Variants in CTNNA2 observed in about 807,000 individuals in gnomAD.
CTNNA2 encodes the protein catenin alpha 2.
CTNNA2 carries 42 observed loss-of-function variants against 101.0 expected under a neutral mutation model. The ratio of observed to expected loss-of-function variants is 0.42; its 90% confidence interval spans 0.32 to 0.54. The LOEUF (loss-of-function observed/expected upper bound fraction) is 0.54, where lower values mean the gene tolerates loss of function less well. Among genes scored for constraint, CTNNA2 ranks in the 20% least tolerant of loss-of-function variants. The pLI is 0.14. For missense variants in CTNNA2, 871 were observed against 1,223.1 expected (o/e 0.71, Z 4.29); for synonymous variants, 450 against 456.4 (o/e 0.99, Z 0.18).
chr2:79,223,230 C>T (rs1220771417), intron 2 of CTNNA2, among the ~76,000 whole-genome samples: 2 of 152,226 alleles, frequency 1.3e-5, no homozygotes, highest in Non-Finnish European at 1.5e-5. Context: ...TCACAACAAG[C>T]AGTTAGCAGT....
chr2:79,210,115 T>TGTGTGTGTGTGTG (rs1572979854), intron 2 of CTNNA2, among the ~76,000 whole-genome samples: 1 of 151,674 alleles, frequency 6.6e-6, no homozygotes, highest in Admixed American at 6.6e-5. Context: ...TGTGTGTGTG[T>TGTGTGTGTGTGTG]TTAAGCAGAA....
intron 7 of CTNNA2, among the ~76,000 whole-genome samples, chr2:80,154,285 G>A (rs1472791863): frequency 1.3e-5 from 2 of 152,084 alleles, no homozygotes; most frequent in Non-Finnish European, 2.9e-5. Flanking sequence ...TCTCAGAAGG[G>A]CCTCTAGCTA....
chr2:79,633,191 T>G (rs938504874), intron 1 of CTNNA2, among the ~76,000 whole-genome samples: 1 of 152,228 alleles, frequency 6.6e-6, no homozygotes, highest in Non-Finnish European at 1.5e-5. Flanking sequence ...ATTAATTTAA[T>G]GTATGATTAT....
At chr2:80,486,492 T>C (rs572995702) in intron 9 of CTNNA2, among the ~76,000 whole-genome samples, 20 of 152,284 alleles carry the variant, frequency 1.3e-4, no homozygotes, top group African/African-American at 4.1e-4. Context: ...TATTAAAAAT[T>C]CAATAATGAG....
At chr2:80,398,903 CA>C (rs752710179) in intron 8 of CTNNA2, among the ~76,000 whole-genome samples, 14 of 151,136 alleles carry the variant, frequency 9.3e-5, no homozygotes, top group Non-Finnish European at 5.9e-5. Context: ...TCAGAAACAC[CA>C]AAAATTAGAA....
rs959943101 is a variant in CTNNA2, at chr2:79,517,378, G to A, written c.-6+4171G>A. ...ATTGTTTTCTCCCAAATAGTAAAATGTTTCTCATATATTTCTGTTTTGTAG... is the reference window on the plus strand; with the variant it reads ...ATTGTTTTCTCCCAAATAGTAAAATATTTCTCATATATTTCTGTTTTGTAG... On this transcript the variant is annotated intron_variant, in intron 1 of 18. Coordinates refer to ENST00000402739, the MANE Select transcript of CTNNA2 (RefSeq NM_001282597.3). Among the ~76,000 whole-genome samples the A allele has an allele frequency of 2.6e-5, 4 of 152,126 alleles. No homozygotes were observed. The East Asian group carries it at 7.7e-4, about 29-fold the overall frequency.
chr2:79,764,459 T>C (rs1362927615), intron 3 of CTNNA2, among the ~76,000 whole-genome samples: 1 of 152,246 alleles, frequency 6.6e-6, no homozygotes, highest in Non-Finnish European at 1.5e-5. Flanking sequence ...ATACATGGAT[T>C]GAAGTCTAGT....
intron 4 of CTNNA2, among the ~76,000 whole-genome samples, chr2:79,416,177 T>C (rs1678478106): frequency 6.6e-6 from 1 of 151,932 alleles, no homozygotes; most frequent in African/African-American, 2.4e-5. Context: ...AGCTTCACAC[T>C]TTCCAAGTCA....
chr2:79,984,832 T>G (rs1160638558), intron 7 of CTNNA2, among the ~76,000 whole-genome samples: 1 of 152,206 alleles, frequency 6.6e-6, no homozygotes, highest in Non-Finnish European at 1.5e-5. Flanking sequence ...ATACTCACTG[T>G]GTCAGGTCAT....
intron 9 of CTNNA2, among the ~76,000 whole-genome samples, chr2:80,526,193 G>A (rs1230043021): frequency 2.0e-5 from 3 of 151,556 alleles, no homozygotes; most frequent in Admixed American, 2.0e-4. Context: ...TCTGTGCCTC[G>A]ATTTTCTTTT....
chr2:80,299,590 T>C (rs1676062215), intron 7 of CTNNA2: 1 of 152,228 alleles, frequency 6.6e-6, no homozygotes, highest in Non-Finnish European at 1.5e-5. Context: ...GAAATGCGTA[T>C]GGACTTAAGA....
intron 1 of CTNNA2, among the ~76,000 whole-genome samples, chr2:79,638,364 T>C (rs1421779724): frequency 6.6e-6 from 1 of 152,228 alleles, no homozygotes; most frequent in Non-Finnish European, 1.5e-5. Flanking sequence ...TAGGTCATTG[T>C]TTCTCTTTTT....
At chr2:79,570,638 T>G (rs138888367) in intron 1 of CTNNA2, among the ~76,000 whole-genome samples, 1 of 152,234 alleles carries the variant, frequency 6.6e-6, no homozygotes, top group African/African-American at 2.4e-5. Context: ...ACTCATTTTA[T>G]TGGGGGTATT....
At chr2:79,552,664 C>T (rs1391497484) in intron 1 of CTNNA2, among the ~76,000 whole-genome samples, 1 of 152,198 alleles carries the variant, frequency 6.6e-6, no homozygotes, top group Non-Finnish European at 1.5e-5. Flanking sequence ...TCAACTCTCA[C>T]ACTCTGCACA....
rs117341057 is a variant in CTNNA2 at position 79,355,172 on chromosome 2, A to G, written c.-317-18659A>G. The stretch of plus-strand genomic sequence containing the variant: ...TTAAGTCAGGTAATGTGACACCTCC[A>G]GCTTTGTTCTTTTGCTTAAGGTTGG... On this transcript the variant is annotated intron_variant, in intron 3 of 21. Coordinates refer to the CTNNA2 transcript ENST00000466387. Among the ~76,000 whole-genome samples, 28 of 152,196 alleles carry G rather than the reference A, an allele frequency of 1.8e-4. No homozygotes were observed. The East Asian group carries it at 5.0e-3, about 27-fold the overall frequency.
intron 7 of CTNNA2, among the ~76,000 whole-genome samples, chr2:80,324,809 G>T (rs1014036238): frequency 3.3e-5 from 5 of 151,986 alleles, no homozygotes; most frequent in Admixed American, 2.6e-4. Context: ...CCCCATGCGG[G>T]ATCTGTTTTA....
intron 3 of CTNNA2, among the ~76,000 whole-genome samples, chr2:79,342,987 C>A (rs2104430460): frequency 6.6e-6 from 1 of 152,202 alleles, no homozygotes; most frequent in East Asian, 1.9e-4. Flanking sequence ...AGAAATTTGG[C>A]AAGATGTATC....
intron 7 of CTNNA2, among the ~76,000 whole-genome samples, chr2:80,015,700 C>A (rs1694098290): frequency 6.6e-6 from 1 of 152,146 alleles, no homozygotes; most frequent in Non-Finnish European, 1.5e-5. Context: ...CCACGTGCTG[C>A]CTAAACTAGC....
intron 12 of CTNNA2, among the ~76,000 whole-genome samples, chr2:80,558,405 G>A (rs1408839001): frequency 6.6e-6 from 1 of 151,942 alleles, no homozygotes; most frequent in Non-Finnish European, 1.5e-5. Flanking sequence ...GATGACCACA[G>A]GATCAGTTCT....
Sources: gnomAD v4.1 joint callset for allele counts (sites outside exome capture counted in the v4.1 genomes callset) on GRCh38, gnomAD v4.1.1 for gene constraint, MANE v1.5 for transcripts, NCBI Gene and HGNC (gene_info 2026-07-23, HGNC 2026-07-21) for gene names.